UBE3A: variants seen among roughly 807,000 people sequenced by gnomAD.
UBE3A encodes the protein ubiquitin protein ligase E3A, also known as ubiquitin-protein ligase E3A.
In UBE3A, 6 loss-of-function variants were observed where a neutral mutation model predicts 83.4. That is an observed-to-expected ratio of 0.07 (90% CI 0.04 to 0.14). The LOEUF (loss-of-function observed/expected upper bound fraction) is 0.14, where lower values mean the gene tolerates loss of function less well. Ranked by LOEUF, UBE3A falls within the 10% of genes least tolerant of loss-of-function variation. The pLI, the probability that UBE3A is intolerant of heterozygous loss-of-function variation, is 1.00. For synonymous variants in UBE3A, 337 were observed against 355.4 expected (o/e 0.95, Z 0.58); for missense variants, 456 against 1,036.1 (o/e 0.44, Z 7.69).
rs1044720223 is a variant in UBE3A at position 25,356,966 on chromosome 15, T to C, written c.1754-70A>G. 8.4e-6 allele frequency: 11 copies of C among 1,303,818 alleles called. No homozygotes were observed. In the South Asian group the frequency reaches 8.9e-5, roughly 11 times the overall value. 80.8% of individuals were successfully genotyped at this position (1,303,818 alleles called of 1,614,324 possible). A position where few individuals can be genotyped will look rare whatever the true frequency, so the allele number is the denominator to read the frequency against. On this transcript the variant is annotated intron_variant, in intron 7 of 12. Transcript: ENST00000648336. ...TAAGGACTGATGAATAATACAAATA[T>C]AAACTTAAAATAATTATGCATATAA... is the stretch of plus-strand genomic sequence containing the variant.
At chr15:25,380,906 T>C (rs2082066115) in intron 4 of UBE3A, among the ~76,000 whole-genome samples, 2 of 152,180 alleles carry the variant, frequency 1.3e-5, no homozygotes, top group Non-Finnish European at 2.9e-5. Context: ...AAACAGACAA[T>C]ACTTTCCAAT....
intron 7 of UBE3A, among the ~76,000 whole-genome samples, chr15:25,359,101 G>A (rs1442593360): frequency 6.6e-6 from 1 of 151,968 alleles, no homozygotes. Flanking sequence ...ATAACCTCCT[G>A]GTAAAATACT....
At chr15:25,437,993 T>A (rs991652025) in intron 1 of UBE3A, 1 of 152,228 alleles carries the variant, frequency 6.6e-6, no homozygotes, top group Non-Finnish European at 1.5e-5. Context: ...CCCTTGGGCT[T>A]GACATACCAC....
intron 11 of UBE3A, among the ~76,000 whole-genome samples, chr15:25,351,024 G>T (rs2076417378): frequency 6.6e-6 from 1 of 152,086 alleles, no homozygotes; most frequent in Admixed American, 6.6e-5. Context: ...ACCCAATTAA[G>T]CCCTGGGTAT....
At chr15:25,402,716 G>A (rs1161088920) in intron 4 of UBE3A, among the ~76,000 whole-genome samples, 3 of 152,196 alleles carry the variant, frequency 2.0e-5, no homozygotes, top group African/African-American at 7.2e-5. Flanking sequence ...TCCATGCTGG[G>A]ATCTCAGGGA....
In UBE3A at chr15:25,375,489, T is replaced by C. The variant is rs2081065097; in HGVS notation, c.337A>G (p.Lys113Glu). Residue 113 changes from lysine (K) to glutamate (E), a missense_variant, in exon 5 of 13, where the codon AAA becomes GAA. Coordinates refer to ENST00000648336, the MANE Select transcript of UBE3A (RefSeq NM_130839.5). ...CCTTTAAAATCAATTCTAGCGCCTT[T>C]CTTGTTCATTTTTATCTCAGAGCAG... is the stretch of plus-strand genomic sequence containing the variant. ...NSCSEIKMNK[K>E]GARIDFKDVT... The C allele has an allele frequency of 1.2e-6, 2 of 1,614,062 alleles. No individual in the cohort carries two copies. The highest frequency in any genetic ancestry group is 2.2e-5 in the South Asian group (2 of 91,070).
intron 3 of UBE3A, among the ~76,000 whole-genome samples, chr15:25,406,126 T>G (rs766099922): frequency 6.6e-6 from 1 of 152,168 alleles, no homozygotes; most frequent in African/African-American, 2.4e-5. Context: ...TAAGAACAAA[T>G]GTGCCAACCG....
chr15:25,437,607 G>A (rs1189208058), intron 1 of UBE3A, among the ~76,000 whole-genome samples: 3 of 151,986 alleles, frequency 2.0e-5, no homozygotes, highest in Admixed American at 6.6e-5. Flanking sequence ...CAGCACCCTC[G>A]CCACTTAATA....
chr15:25,375,795 G>T, intron 4 of UBE3A, 32 bp from the exon 5 acceptor site: 2 of 1,602,266 alleles, frequency 1.2e-6, no homozygotes, highest in Non-Finnish European at 8.5e-7. Flanking sequence ...TAAGCACAGT[G>T]ATTAGTACAG....
intron 2 of UBE3A, among the ~76,000 whole-genome samples, chr15:25,410,057 T>C (rs2089632348): frequency 6.6e-6 from 1 of 152,090 alleles, no homozygotes; most frequent in Non-Finnish European, 1.5e-5. Flanking sequence ...GACGAGTTAA[T>C]GGGTGCAGCA....
intron 7 of UBE3A, 91 bp from the exon 8 acceptor site, chr15:25,356,987 T>C (rs903491583): frequency 1.8e-6 from 2 of 1,087,526 alleles, no homozygotes; most frequent in East Asian, 2.6e-5. Context: ...TAATTATGCA[T>C]ATAAAACATT....
intron 12 of UBE3A, 191 bp downstream of exon 12, chr15:25,339,894 A>C: frequency 1.4e-6 from 1 of 693,612 alleles, no homozygotes; most frequent in Non-Finnish European, 2.4e-6. Context: ...AATAATTTTT[A>C]ACTAGGGCAA....
intron 4 of UBE3A, among the ~76,000 whole-genome samples, chr15:25,379,512 C>T (rs1412918154): frequency 6.6e-6 from 1 of 152,182 alleles, no homozygotes; most frequent in Non-Finnish European, 1.5e-5. Context: ...ATGCCAGAAC[C>T]TCCAAGTTAA....
chr15:25,378,645 C>T (rs2081631267), intron 4 of UBE3A, among the ~76,000 whole-genome samples: 1 of 151,996 alleles, frequency 6.6e-6, no homozygotes, highest in South Asian at 2.1e-4. Context: ...AATAGGAGTC[C>T]AGGAGTCTTT....
intron 4 of UBE3A, among the ~76,000 whole-genome samples, chr15:25,385,724 C>A (rs985575700): frequency 3.9e-5 from 6 of 152,044 alleles, no homozygotes; most frequent in African/African-American, 1.4e-4. Context: ...CACATAGCAT[C>A]ACCATTTATC....
In UBE3A at chr15:25,434,969, TACACACACACACACACAC is replaced by T. The variant is rs55856025; in HGVS notation, c.-165+3502_-165+3519del. 2.1e-3 allele frequency among the ~76,000 whole-genome samples: 305 copies of T among 142,998 alleles called. 1 individual carries two copies. The highest frequency in any genetic ancestry group is 7.0e-3 in the Middle Eastern group (2 of 284). The allele number at this position is 142,998 out of a possible 152,430, so 93.8% of individuals were successfully genotyped here. A position where few individuals can be genotyped will look rare whatever the true frequency, so the allele number is the denominator to read the frequency against. ...GTAAAAATTTTAAATTCTATATACA[TACACACACACACACACAC>T]ACACACACACACACACACACACACA... is the stretch of plus-strand genomic sequence containing the variant. On this transcript the variant is annotated intron_variant, in intron 1 of 12. Coordinates refer to ENST00000648336, the MANE Select transcript of UBE3A (RefSeq NM_130839.5).
At chr15:25,384,387 G>A (rs1049445660) in intron 4 of UBE3A, among the ~76,000 whole-genome samples, 3 of 151,398 alleles carry the variant, frequency 2.0e-5, no homozygotes, top group African/African-American at 7.3e-5. Flanking sequence ...ACTTGAATTT[G>A]GGAGGCAGAG....
At chr15:25,355,138 C>A (rs1282216180) in intron 9 of UBE3A, among the ~76,000 whole-genome samples, 1 of 152,142 alleles carries the variant, frequency 6.6e-6, no homozygotes, top group East Asian at 1.9e-4. Flanking sequence ...ATGTATCCAT[C>A]TATTTATAAA....
intron 11 of UBE3A, among the ~76,000 whole-genome samples, chr15:25,351,258 A>AGAGT (rs1329082927): frequency 5.9e-5 from 9 of 152,202 alleles, no homozygotes; most frequent in African/African-American, 2.2e-4. Context: ...TTGATGAGAA[A>AGAGT]GAGTTTTTCT....
Sources: gnomAD v4.1 joint callset for allele counts (sites outside exome capture counted in the v4.1 genomes callset) on GRCh38, gnomAD v4.1.1 for gene constraint, MANE v1.5 for transcripts, NCBI Gene and HGNC (gene_info 2026-07-23, HGNC 2026-07-21) for gene names.